The following PTPRD variants were observed in gnomAD, a reference collection of about 807,000 sequenced individuals.
The protein encoded by PTPRD is protein tyrosine phosphatase receptor type D.
PTPRD carries 34 observed loss-of-function variants against 214.5 expected under a neutral mutation model. The observed-to-expected ratio is 0.16, with a 90% confidence interval of 0.12 to 0.21. The LOEUF is 0.21. PTPRD is among the 10% of genes least tolerant of loss of function. The pLI is 1.00. For synonymous variants in PTPRD, 1,128 were observed against 845.7 expected (o/e 1.33, Z -5.79); for missense variants, 2,545 against 2,398.7 (o/e 1.06, Z -1.27).
chr9:9,882,685 G>T (rs1256169111), intron 5 of PTPRD, among the ~76,000 whole-genome samples: 2 of 152,104 alleles, frequency 1.3e-5, no homozygotes, highest in Non-Finnish European at 2.9e-5. Context: ...ATGTCTTTAT[G>T]TTCCTGTTAA....
intron 9 of PTPRD, among the ~76,000 whole-genome samples, chr9:9,350,083 A>T (rs1267530209): frequency 6.6e-6 from 1 of 152,088 alleles, no homozygotes; most frequent in Admixed American, 6.6e-5. Flanking sequence ...GCTATGCTCC[A>T]GAGTGGTCAG....
chr9:9,964,810 G>C (rs550729954), intron 4 of PTPRD, among the ~76,000 whole-genome samples: 1 of 152,122 alleles, frequency 6.6e-6, no homozygotes, highest in Non-Finnish European at 1.5e-5. Flanking sequence ...GGCTTAGTTT[G>C]TGAGGATAAA....
intron 11 of PTPRD, among the ~76,000 whole-genome samples, chr9:8,953,302 C>T (rs991290263): frequency 4.3e-4 from 66 of 151,874 alleles, no homozygotes; most frequent in African/African-American, 1.5e-3. Context: ...GAATGGCTAT[C>T]CATATGCAGA....
At chr9:8,854,183 G>T (rs10759005) in intron 11 of PTPRD, among the ~76,000 whole-genome samples, 23 of 152,096 alleles carry the variant, frequency 1.5e-4, no homozygotes, top group African/African-American at 5.3e-4. Context: ...CATGATTAAA[G>T]GCTTTCTGCA....
intron 3 of PTPRD, among the ~76,000 whole-genome samples, chr9:10,098,998 T>C (rs1054321594): frequency 2.0e-5 from 3 of 151,792 alleles, no homozygotes; most frequent in Non-Finnish European, 4.4e-5. Flanking sequence ...GGGTGTACCC[T>C]CTTTTGACAA....
Position 9,954,297 on chromosome 9 carries a change from C to CAAAAAAA in PTPRD, c.-471-15694_-471-15688dup, listed in dbSNP as rs781628679. 1.8e-3 allele frequency among the ~76,000 whole-genome samples: 99 copies of CAAAAAAA among 53,716 alleles called. 4 individuals are homozygous for CAAAAAAA. Among genetic ancestry groups the CAAAAAAA allele is most frequent in the Non-Finnish European group, 3.8e-3 (86 of 22,406 alleles). 35.2% of individuals were successfully genotyped at this position (53,716 alleles called of 152,430 possible). On this transcript the variant is annotated intron_variant, in intron 4 of 45. Transcript: ENST00000381196. ...GACAGATTGAGACTCTGTCTCAAAA[C>CAAAAAAA]AAAAAAAAAAAAAAAAAAAAAAAAA...
intron 4 of PTPRD, among the ~76,000 whole-genome samples, chr9:9,996,000 C>A (rs965759262): frequency 2.0e-5 from 3 of 152,038 alleles, no homozygotes; most frequent in Admixed American, 2.0e-4. Context: ...TTCTACTGTA[C>A]CATAATATTT....
At chr9:9,913,686 C>G (rs946771690) in intron 5 of PTPRD, among the ~76,000 whole-genome samples, 2 of 152,120 alleles carry the variant, frequency 1.3e-5, no homozygotes, top group South Asian at 4.1e-4. Flanking sequence ...ACCCCACAAG[C>G]CCCATTGCCT....
chr9:9,424,705 T>C (rs1361270200), intron 8 of PTPRD, among the ~76,000 whole-genome samples: 2 of 152,184 alleles, frequency 1.3e-5, no homozygotes. Context: ...TATAATTGTC[T>C]ATCTAGCCTG....
intron 7 of PTPRD, among the ~76,000 whole-genome samples, chr9:9,616,125 G>C (rs1467946582): frequency 6.6e-6 from 1 of 152,080 alleles, no homozygotes. Flanking sequence ...GTAATATACA[G>C]GCTCATAAGA....
intron 2 of PTPRD, among the ~76,000 whole-genome samples, chr9:10,562,565 T>C (rs879393275): frequency 3.9e-5 from 6 of 152,196 alleles, no homozygotes; most frequent in African/African-American, 1.4e-4. Context: ...ATAATTATTT[T>C]ATTATATTGA....
intron 11 of PTPRD, among the ~76,000 whole-genome samples, chr9:8,997,816 G>A (rs2099402690): frequency 6.6e-6 from 1 of 152,004 alleles, no homozygotes; most frequent in Non-Finnish European, 1.5e-5. Context: ...AATTCTTGAA[G>A]GAAATTAAAA....
chr9:8,901,617 G>C (rs2098669592), intron 11 of PTPRD, among the ~76,000 whole-genome samples: 1 of 152,154 alleles, frequency 6.6e-6, no homozygotes. Context: ...TGGAACGTAG[G>C]TCTCCTGATT....
intron 11 of PTPRD, among the ~76,000 whole-genome samples, chr9:8,832,416 T>TC: frequency 6.7e-6 from 1 of 150,002 alleles, no homozygotes; most frequent in East Asian, 1.9e-4. Flanking sequence ...TCATCTTTTT[T>TC]TTTTTTTTTT....
intron 4 of PTPRD, among the ~76,000 whole-genome samples, chr9:10,020,057 T>C (rs1287299162): frequency 6.6e-6 from 1 of 152,210 alleles, no homozygotes; most frequent in East Asian, 1.9e-4. Flanking sequence ...CAGTTTCAGA[T>C]GTTGAAGAAA....
At chr9:8,713,732 C>CTG in intron 12 of PTPRD, 1 of 1,503,978 alleles carries the variant, frequency 6.6e-7, no homozygotes, top group Non-Finnish European at 9.1e-7. Context: ...CGCCGGCAGG[C>CTG]TGTCAAGCAG....
intron 4 of PTPRD, among the ~76,000 whole-genome samples, chr9:10,000,426 A>G (rs1046438655): frequency 1.3e-5 from 2 of 152,096 alleles, no homozygotes; most frequent in Non-Finnish European, 2.9e-5. Context: ...CCACATGGAC[A>G]AGCCATTCTT....
intron 8 of PTPRD, among the ~76,000 whole-genome samples, chr9:9,464,611 G>C (rs1294544228): frequency 6.6e-6 from 1 of 151,982 alleles, no homozygotes; most frequent in East Asian, 1.9e-4. Context: ...ATTCCTGCTT[G>C]GTTTAGTTCT....
chr9:8,721,238 G>A (rs1397791081), intron 12 of PTPRD, among the ~76,000 whole-genome samples: 1 of 151,784 alleles, frequency 6.6e-6, no homozygotes, highest in African/African-American at 2.4e-5. Flanking sequence ...AGACTAGCCT[G>A]CCCAACATGG....
Sources: allele counts gnomAD v4.1 joint callset (sites outside exome capture counted in the v4.1 genomes callset), GRCh38; gene constraint gnomAD v4.1.1; transcripts MANE v1.5; gene names NCBI Gene and HGNC (gene_info 2026-07-23, HGNC 2026-07-21).